PPP2R3A: variants seen among roughly 807,000 people sequenced by gnomAD.
The protein encoded by PPP2R3A is serine/threonine-protein phosphatase 2A regulatory subunit B'' subunit alpha.
In PPP2R3A, 80 loss-of-function variants were observed where a neutral mutation model predicts 106.9. The ratio of observed to expected loss-of-function variants is 0.75; its 90% CI spans 0.62 to 0.90. The LOEUF (loss-of-function observed/expected upper bound fraction) is 0.90, where lower values mean the gene tolerates loss of function less well. Among genes scored for constraint, PPP2R3A ranks in the 40% least tolerant of loss-of-function variants. PPP2R3A has a pLI of 0.00. For synonymous variants in PPP2R3A, 483 were observed against 468.3 expected (o/e 1.03, Z -0.41); for missense variants, 1,386 against 1,350.4 (o/e 1.03, Z -0.41).
At chr3:135,971,816 C>T (rs1416823848) in intron 1 of PPP2R3A, among the ~76,000 whole-genome samples, 1 of 152,118 alleles carries the variant, frequency 6.6e-6, no homozygotes, top group Non-Finnish European at 1.5e-5. Context: ...TGGTTAGGTA[C>T]TATGCCTGGC....
chr3:135,979,520 G>A (rs1475144856), intron 1 of PPP2R3A, among the ~76,000 whole-genome samples: 1 of 151,900 alleles, frequency 6.6e-6, no homozygotes, highest in African/African-American at 2.4e-5. Context: ...CGTCATCAGA[G>A]TGTGGGAACA....
At chr3:136,075,684 C>T (rs777118159) in intron 6 of PPP2R3A, among the ~76,000 whole-genome samples, 1 of 151,962 alleles carries the variant, frequency 6.6e-6, no homozygotes, top group Non-Finnish European at 1.5e-5. Flanking sequence ...ATTTTTAACA[C>T]AGTAATTTCA....
intron 2 of PPP2R3A, among the ~76,000 whole-genome samples, chr3:136,012,945 C>A (rs1033527193): frequency 3.9e-5 from 6 of 152,128 alleles, no homozygotes; most frequent in Admixed American, 3.9e-4. Context: ...TCCCTCACCC[C>A]CTTCCCACCC....
chr3:135,968,802 C>T (rs1937163255), intron 1 of PPP2R3A, among the ~76,000 whole-genome samples: 1 of 152,176 alleles, frequency 6.6e-6, no homozygotes, highest in Non-Finnish European at 1.5e-5. Context: ...TTTCCTCTTA[C>T]TGTTTTACAC....
At chr3:135,966,631 A>G (rs1490149843) in intron 1 of PPP2R3A, among the ~76,000 whole-genome samples, 2 of 151,934 alleles carry the variant, frequency 1.3e-5, no homozygotes, top group Non-Finnish European at 1.5e-5. Context: ...CCACTCTGGT[A>G]AAGCTTAAGG....
At position 136,145,132 on chromosome 3, in the gene PPP2R3A, A is replaced by C. The variant is rs1939064802; in HGVS notation, c.3419A>C (p.Lys1140Thr). 9 of 1,613,442 alleles carry C rather than the reference A, an allele frequency of 5.6e-6. No homozygotes were observed. The highest frequency in any genetic ancestry group is 7.6e-6 in the Non-Finnish European group (9 of 1,179,758). The change falls in exon 14 of 14, where the codon AAA (lysine) becomes ACA (threonine). Residue 1140 changes from lysine to threonine, a missense_variant. Lys to Thr is a moderately conservative substitution (Grantham distance 78, BLOSUM62 -1). Coordinates refer to ENST00000264977, the MANE Select transcript of PPP2R3A (RefSeq NM_002718.5). Reference protein sequence around the residue: ...NKILSASLPEKCGKLQSVDEE With the variant: ...NKILSASLPETCGKLQSVDEE ...ATATTAAGTGCAAGCCTTCCAGAGA[A>C]ATGTGGAAAGCTTCAATCAGTGGAT...
Position 136,147,348 on chromosome 3 carries a change from A to AG in PPP2R3A, c.*2183dup, listed in dbSNP as rs1447662414. 6.5e-6 allele frequency: 1 copy of AG among 152,678 alleles called. No homozygotes were observed. Among genetic ancestry groups the AG allele is most frequent in the Non-Finnish European group, 1.5e-5 (1 of 68,054 alleles). 9.5% of individuals were successfully genotyped at this position (152,678 alleles called of 1,614,324 possible). On this transcript the variant is annotated 3_prime_UTR_variant, in exon 14 of 14. Transcript: ENST00000264977. ...CACTGCACTCCAGCCTAGGCGACAG[A>AG]GCAAGACCCCATTCTCTTACAAAGT...
intron 13 of PPP2R3A, among the ~76,000 whole-genome samples, chr3:136,137,677 G>A (rs148241411): frequency 0.012 from 1,817 of 151,814 alleles, 21 homozygotes; most frequent in Non-Finnish European, 0.02. Context: ...GAGTAGCTGG[G>A]ACTACAGGCG....
intron 13 of PPP2R3A, among the ~76,000 whole-genome samples, chr3:136,134,498 A>G (rs1025120382): frequency 1.4e-4 from 22 of 152,244 alleles, no homozygotes; most frequent in Non-Finnish European, 1.6e-4. Context: ...GTGTCATAAC[A>G]TGCAGCTATT....
intron 4 of PPP2R3A, among the ~76,000 whole-genome samples, chr3:136,046,830 A>C (rs924189738): frequency 6.6e-6 from 1 of 152,240 alleles, no homozygotes; most frequent in Admixed American, 6.5e-5. Context: ...GAGAAAGTTG[A>C]AACTCAATCC....
chr3:136,082,035 A>G (rs576241980), intron 7 of PPP2R3A, among the ~76,000 whole-genome samples: 1 of 152,174 alleles, frequency 6.6e-6, no homozygotes, highest in East Asian at 1.9e-4. Context: ...CCCTGCTTTT[A>G]CATCCTCCAC....
intron 4 of PPP2R3A, 63 bp downstream of exon 4, chr3:136,041,025 T>C (rs1935249253): frequency 5.9e-6 from 8 of 1,359,312 alleles, no homozygotes; most frequent in Non-Finnish European, 8.2e-6. Context: ...ATGACATGCT[T>C]TCTAAAGGTC....
chr3:136,137,123 T>C (rs928285542), intron 13 of PPP2R3A, among the ~76,000 whole-genome samples: 6 of 152,162 alleles, frequency 3.9e-5, no homozygotes, highest in Admixed American at 2.0e-4. Flanking sequence ...TTAACATTCT[T>C]ATGGTTTATG....
At chr3:136,004,511 T>TA (rs1249985839) in intron 2 of PPP2R3A, among the ~76,000 whole-genome samples, 4 of 152,166 alleles carry the variant, frequency 2.6e-5, no homozygotes, top group Non-Finnish European at 4.4e-5. Context: ...ATTCCCAACC[T>TA]AAAATCTAAG....
At chr3:136,121,097 G>A (rs915665148) in intron 13 of PPP2R3A, among the ~76,000 whole-genome samples, 16 of 152,050 alleles carry the variant, frequency 1.1e-4, no homozygotes, top group African/African-American at 3.9e-4. Context: ...ATACCCAAAG[G>A]AAAATAAATG....
chr3:135,992,527 C>T (rs139809375), intron 1 of PPP2R3A, among the ~76,000 whole-genome samples: 1 of 152,274 alleles, frequency 6.6e-6, no homozygotes, highest in East Asian at 1.9e-4. Context: ...TAAATAGCAA[C>T]ATAGTATGTG....
rs540620514 is a variant in PPP2R3A, at chr3:136,147,079, T to TA, written c.*1915dup. ...CTTTGATCTGGTTTTTGAAGTCTCTTAATTATTGGCTGGGCATGGTGACTC... is the reference window on the plus strand; with the variant it reads ...CTTTGATCTGGTTTTTGAAGTCTCTTAAATTATTGGCTGGGCATGGTGACTC... On this transcript the variant is annotated 3_prime_UTR_variant, in exon 14 of 14. Transcript: ENST00000264977. 35 of 152,284 alleles carry TA rather than the reference T, an allele frequency of 2.3e-4. No homozygotes were observed. Among genetic ancestry groups the TA allele is most frequent in the African/African-American group, 7.5e-4 (31 of 41,578 alleles). 9.4% of individuals were successfully genotyped at this position (152,284 alleles called of 1,614,324 possible). A position where few individuals can be genotyped will look rare whatever the true frequency, so the allele number is the denominator to read the frequency against.
chr3:136,132,255 G>A (rs541123996), intron 13 of PPP2R3A, among the ~76,000 whole-genome samples: 3 of 152,230 alleles, frequency 2.0e-5, no homozygotes, highest in South Asian at 2.1e-4. Context: ...TGTAACTGGG[G>A]GGTCCTAGCC....
At chr3:136,131,458 A>G (rs1488742677) in intron 13 of PPP2R3A, among the ~76,000 whole-genome samples, 1 of 152,212 alleles carries the variant, frequency 6.6e-6, no homozygotes, top group Non-Finnish European at 1.5e-5. Flanking sequence ...CAAAACCACA[A>G]TGAGATATCA....
Sources: gnomAD v4.1 joint callset for allele counts (sites outside exome capture counted in the v4.1 genomes callset) on GRCh38, gnomAD v4.1.1 for gene constraint, MANE v1.5 for transcripts, NCBI Gene and HGNC (gene_info 2026-07-23, HGNC 2026-07-21) for gene names.